CNTN3: variants seen among roughly 807,000 people sequenced by gnomAD.
CNTN3 encodes contactin 3.
In CNTN3, 60 loss-of-function variants were observed where a neutral mutation model predicts 119.1. The observed-to-expected ratio is 0.50, with a 90% CI of 0.41 to 0.62. CNTN3 has a LOEUF of 0.62. Ranked by LOEUF, CNTN3 falls within the 20% of genes least tolerant of loss-of-function variation. CNTN3 has a pLI of 0.00. For synonymous variants in CNTN3, 450 were observed against 438.7 expected, an observed-to-expected ratio of 1.03 and a Z score of -0.32; for missense variants, 1,101 against 1,242.4, an observed-to-expected ratio of 0.89 and a Z score of 1.71.
intron 11 of CNTN3, among the ~76,000 whole-genome samples, chr3:74,346,078 A>G (rs1703680887): frequency 6.6e-6 from 1 of 152,182 alleles, no homozygotes; most frequent in Non-Finnish European, 1.5e-5. Flanking sequence ...GAAATACGAC[A>G]CGATATAAGT....
At chr3:74,544,721 C>T (rs35944974) in intron 1 of CNTN3, among the ~76,000 whole-genome samples, 24,225 of 152,064 alleles carry the variant, frequency 0.16, 2,548 homozygotes, top group East Asian at 0.35. Flanking sequence ...GCCTCAGCCT[C>T]CCAAGTAGCT....
chr3:74,336,739 T>C lies in CNTN3; in HGVS notation c.1365-81A>G, dbSNP rs530450692. On this transcript the variant is annotated intron_variant, in intron 11 of 22. Coordinates refer to ENST00000263665, the MANE Select transcript of CNTN3 (RefSeq NM_020872.3). ...TGAATATACATATTTTTACAGAACA[T>C]GTTGCCTTAAGCTAGTATTTTTAAG... The C allele has an allele frequency of 9.3e-6, 11 of 1,184,406 alleles. No homozygotes were observed. The East Asian group carries it at 2.9e-4, about 31-fold the overall frequency. 73.4% of individuals were successfully genotyped at this position (1,184,406 alleles called of 1,614,324 possible). A position where few individuals can be genotyped will look rare whatever the true frequency, so the allele number is the denominator to read the frequency against.
At chr3:74,337,551 T>C (rs1703427507) in intron 11 of CNTN3, among the ~76,000 whole-genome samples, 2 of 152,050 alleles carry the variant, frequency 1.3e-5, no homozygotes, top group Non-Finnish European at 1.5e-5. Context: ...ATGTCTTACA[T>C]GGTGGCAGGC....
chr3:74,321,630 T>C (rs915717380), intron 13 of CNTN3, among the ~76,000 whole-genome samples: 2 of 151,768 alleles, frequency 1.3e-5, no homozygotes, highest in Non-Finnish European at 2.9e-5. Context: ...AAAAGAGCAA[T>C]AAAATCAATC....
intron 3 of CNTN3, among the ~76,000 whole-genome samples, chr3:74,488,232 C>A (rs576845301): frequency 6.6e-6 from 1 of 152,072 alleles, no homozygotes; most frequent in African/African-American, 2.4e-5. Context: ...CCTGCCTCAG[C>A]CTCCAGAGTA....
intron 13 of CNTN3, among the ~76,000 whole-genome samples, chr3:74,317,439 T>G (rs1702863210): frequency 6.6e-6 from 1 of 152,210 alleles, no homozygotes; most frequent in Non-Finnish European, 1.5e-5. Context: ...GCCCTGATGG[T>G]CTTTACATTT....
chr3:74,445,087 A>G (rs1263261815), intron 4 of CNTN3, among the ~76,000 whole-genome samples: 3 of 152,144 alleles, frequency 2.0e-5, no homozygotes, highest in Non-Finnish European at 4.4e-5. Flanking sequence ...GCTCCACTGA[A>G]TATCTGTCTT....
intron 19 of CNTN3, among the ~76,000 whole-genome samples, chr3:74,290,413 A>G (rs1418922729): frequency 6.6e-6 from 1 of 152,200 alleles, no homozygotes; most frequent in Non-Finnish European, 1.5e-5. Flanking sequence ...TCTGTCCTAA[A>G]CTGAAATATC....
chr3:74,532,324 G>C (rs1446259855), intron 1 of CNTN3, among the ~76,000 whole-genome samples: 8 of 151,926 alleles, frequency 5.3e-5, no homozygotes, highest in Admixed American at 4.6e-4. Flanking sequence ...GCATACAGTA[G>C]ACCCCCTTAT....
At chr3:74,285,790 GATATATAT>G (rs71129738) in intron 19 of CNTN3, among the ~76,000 whole-genome samples, 1,228 of 56,452 alleles carry the variant, frequency 0.022, 21 homozygotes, top group Middle Eastern at 0.056. Flanking sequence ...ATGAAGGGGA[GATATATAT>G]ATATATATAT....
chr3:74,370,649 G>C (rs905036150), intron 6 of CNTN3, among the ~76,000 whole-genome samples: 2 of 152,098 alleles, frequency 1.3e-5, no homozygotes, highest in African/African-American at 4.8e-5. Flanking sequence ...TGCTGTATCA[G>C]ATATGGTTTT....
chr3:74,450,565 GGTTA>G (rs1205891397), intron 4 of CNTN3, among the ~76,000 whole-genome samples: 1 of 150,660 alleles, frequency 6.6e-6, no homozygotes, highest in African/African-American at 2.4e-5. Flanking sequence ...ACAATGTGCA[GGTTA>G]GTTACATATG....
intron 13 of CNTN3, among the ~76,000 whole-genome samples, chr3:74,305,729 T>C (rs547948165): frequency 6.6e-5 from 10 of 151,022 alleles, no homozygotes; most frequent in Admixed American, 1.3e-4. Flanking sequence ...TGAAGCACCA[T>C]GAGGACATCT....
rs141175870 is a variant in CNTN3 at position 74,610,995 on chromosome 3, G to A, written c.-81+3396C>T. Among the ~76,000 whole-genome samples the A allele has an allele frequency of 7.6e-4, 116 of 152,200 alleles. 1 individual carries two copies. Among genetic ancestry groups the A allele is most frequent in the African/African-American group, 2.7e-3 (114 of 41,530 alleles). On this transcript the variant is annotated intron_variant, in intron 1 of 22. Transcript: ENST00000263665. Reference sequence around the variant, plus strand: ...ATATGGATCTCATATCTTAACATCTGAAAGGTAATCAAAGTCAAGGGACTT... The same window carrying A: ...ATATGGATCTCATATCTTAACATCTAAAAGGTAATCAAAGTCAAGGGACTT...
chr3:74,605,601 G>C (rs1210333889), intron 1 of CNTN3, among the ~76,000 whole-genome samples: 2 of 152,104 alleles, frequency 1.3e-5, no homozygotes, highest in African/African-American at 4.8e-5. Flanking sequence ...TCATCTGATA[G>C]CTTAATTGGG....
rs890407926 is a variant in CNTN3 at position 74,263,129 on chromosome 3, G to A, written c.*1272C>T. The A allele has an allele frequency of 6.6e-6, 1 of 152,102 alleles. No homozygotes were observed. Among genetic ancestry groups the A allele is most frequent in the Non-Finnish European group, 1.5e-5 (1 of 67,980 alleles). 9.4% of individuals were successfully genotyped at this position (152,102 alleles called of 1,614,324 possible). ...AGAGGTAAAAAACTGATTTTGCAAT[G>A]TTGAAAACTCAATCTGCTGATTTTA... On this transcript the variant is annotated 3_prime_UTR_variant, in exon 23 of 23. Transcript: ENST00000263665.
intron 18 of CNTN3, among the ~76,000 whole-genome samples, chr3:74,296,397 T>C (rs1187822460): frequency 3.9e-5 from 6 of 152,076 alleles, no homozygotes; most frequent in Non-Finnish European, 8.8e-5. Flanking sequence ...CCCAGACCCC[T>C]GACTTGCCCT....
chr3:74,288,843 C>T (rs1319983615), intron 19 of CNTN3, among the ~76,000 whole-genome samples: 1 of 152,122 alleles, frequency 6.6e-6, no homozygotes, highest in Non-Finnish European at 1.5e-5. Flanking sequence ...TTGTTCCAAC[C>T]CAAAAGGGCA....
intron 1 of CNTN3, among the ~76,000 whole-genome samples, chr3:74,552,072 TTCTTTCACTTAG>T (rs1704000658): frequency 6.6e-6 from 1 of 152,156 alleles, no homozygotes; most frequent in East Asian, 1.9e-4. Context: ...CCGGATCTGC[TTCTTTCACTTAG>T]TACTAAGCAT....
Sources: gnomAD v4.1 joint callset for allele counts (sites outside exome capture counted in the v4.1 genomes callset) on GRCh38, gnomAD v4.1.1 for gene constraint, MANE v1.5 for transcripts, NCBI Gene and HGNC (gene_info 2026-07-23, HGNC 2026-07-21) for gene names.